TBCA: variants seen among roughly 807,000 people sequenced by gnomAD.
The protein encoded by TBCA is tubulin folding cofactor A.
Under a neutral mutation model 15.8 loss-of-function variants are expected in TBCA, and 6 were observed. The ratio of observed to expected loss-of-function variants is 0.38; its 90% CI spans 0.21 to 0.75. The LOEUF is 0.75. TBCA is among the 30% of genes least tolerant of loss of function. TBCA has a pLI of 0.46. For missense variants in TBCA, 90 were observed against 131.2 expected, an observed-to-expected ratio of 0.69 and a Z score of 1.53; for synonymous variants, 32 against 42.3, an observed-to-expected ratio of 0.76 and a Z score of 0.94.
intron 2 of TBCA, among the ~76,000 whole-genome samples, chr5:77,707,692 G>C (rs957842221): frequency 2.0e-5 from 3 of 152,130 alleles, no homozygotes; most frequent in Admixed American, 2.0e-4. Flanking sequence ...AGTGCAATGC[G>C]TATTTTATTT....
At chr5:77,760,566 G>C (rs1041509786) in intron 1 of TBCA, among the ~76,000 whole-genome samples, 1 of 152,148 alleles carries the variant, frequency 6.6e-6, no homozygotes, top group African/African-American at 2.4e-5. Context: ...AGGATTACAG[G>C]CACGCGCCAC....
At chr5:77,695,458 T>G (rs1024910680) in intron 2 of TBCA, among the ~76,000 whole-genome samples, 3 of 152,174 alleles carry the variant, frequency 2.0e-5, no homozygotes, top group African/African-American at 7.2e-5. Context: ...TTGAGATTGC[T>G]TCAAGAAGAT....
chr5:77,719,151 C>T (rs1262754901), intron 1 of TBCA, among the ~76,000 whole-genome samples: 1 of 152,164 alleles, frequency 6.6e-6, no homozygotes, highest in African/African-American at 2.4e-5. Flanking sequence ...CAACTATCGT[C>T]AGCCTCATTT....
At chr5:77,755,727 G>A (rs531969736) in intron 1 of TBCA, among the ~76,000 whole-genome samples, 7 of 150,870 alleles carry the variant, frequency 4.6e-5, no homozygotes, top group African/African-American at 9.7e-5. Context: ...AATAGGGGCC[G>A]GGTGCAGGGG....
Position 77,776,315 on chromosome 5 carries a change from A to C in TBCA, c.-58T>G. ...AGAGCCGGGGTAACCGTGGAGGGCG[A>C]CGCGCAGAGGCTGCGGCTATTTAGG... is the stretch of plus-strand genomic sequence containing the variant. On this transcript the variant is annotated 5_prime_UTR_variant, in exon 1 of 4. Coordinates refer to ENST00000380377, the MANE Select transcript of TBCA (RefSeq NM_004607.3). The C allele has an allele frequency of 3.2e-6, 5 of 1,547,046 alleles. No individual in the cohort carries two copies. The highest frequency in any genetic ancestry group is 4.4e-6 in the Non-Finnish European group (5 of 1,144,286).
In TBCA at chr5:77,776,232, A is replaced by C; in HGVS notation, c.26T>G (p.Ile9Ser). 6.3e-7 allele frequency: 1 copy of C among 1,578,010 alleles called. No individual in the cohort carries two copies. Among genetic ancestry groups the C allele is most frequent in the Non-Finnish European group, 8.6e-7 (1 of 1,162,960 alleles). The change falls in exon 1 of 4, where the codon ATC (isoleucine) becomes AGC (serine). Residue 9 changes from isoleucine to serine, a missense_variant. Coordinates refer to ENST00000380377, the MANE Select transcript of TBCA (RefSeq NM_004607.3). Reference protein sequence around the residue: MADPRVRQIKIKTGVVKRL... With the variant: MADPRVRQSKIKTGVVKRL... ...CTTCACCACGCCGGTCTTGATCTTG[A>C]TCTGTCTCACGCGAGGATCGGCCAT...
chr5:77,733,246 A>G (rs1016844596), intron 1 of TBCA, among the ~76,000 whole-genome samples: 1 of 152,178 alleles, frequency 6.6e-6, no homozygotes, highest in South Asian at 2.1e-4. Context: ...GGGCTATTGC[A>G]CTCCAGCCTG....
At position 77,746,818 on chromosome 5, in the gene TBCA, T is replaced by C. The variant is rs115801292; in HGVS notation, c.53+29387A>G. 8.0e-3 allele frequency among the ~76,000 whole-genome samples: 1,213 copies of C among 152,276 alleles called. 12 individuals carry two copies. Among genetic ancestry groups the C allele is most frequent in the Non-Finnish European group, 0.011 (742 of 68,010 alleles). On this transcript the variant is annotated intron_variant, in intron 1 of 3. Transcript: ENST00000380377. ...AAAGTCTAAATTTATCCAAATCGTA[T>C]ACATCATAACATTAATCAATCCAAC...
At chr5:77,755,026 T>A (rs1747440791) in intron 1 of TBCA, among the ~76,000 whole-genome samples, 1 of 152,060 alleles carries the variant, frequency 6.6e-6, no homozygotes, top group South Asian at 2.1e-4. Flanking sequence ...ACACACATAC[T>A]CATAAAAACA....
At chr5:77,762,513 C>T (rs566477654) in intron 1 of TBCA, among the ~76,000 whole-genome samples, 40 of 152,098 alleles carry the variant, frequency 2.6e-4, no homozygotes, top group Admixed American at 5.2e-4. Flanking sequence ...ATAAACCACA[C>T]GGTATTGGGT....
At chr5:77,732,316 G>A (rs1219514125) in intron 1 of TBCA, among the ~76,000 whole-genome samples, 1 of 152,048 alleles carries the variant, frequency 6.6e-6, no homozygotes, top group Non-Finnish European at 1.5e-5. Flanking sequence ...ACTGCACTTT[G>A]CTGATGTTGG....
At position 77,776,261 on chromosome 5, in the gene TBCA, C is replaced by A; in HGVS notation, c.-4G>T. 1.9e-6 allele frequency: 3 copies of A among 1,577,566 alleles called. No individual in the cohort carries two copies. Among genetic ancestry groups the A allele is most frequent in the Non-Finnish European group, 2.6e-6 (3 of 1,162,622 alleles). ...GTCTCACGCGAGGATCGGCCATGGT[C>A]CCTCGAGCGCCGCGAGAAGGAGGGG... is the stretch of plus-strand genomic sequence containing the variant. On this transcript the variant is annotated 5_prime_UTR_variant, in exon 1 of 4. Coordinates refer to ENST00000380377, the MANE Select transcript of TBCA (RefSeq NM_004607.3).
intron 1 of TBCA, among the ~76,000 whole-genome samples, chr5:77,740,199 T>G (rs1420743735): frequency 6.6e-6 from 1 of 152,230 alleles, no homozygotes; most frequent in Non-Finnish European, 1.5e-5. Context: ...GCAGCAAAGC[T>G]GAACAGGATA....
chr5:77,695,080 G>A (rs961943870), intron 2 of TBCA, among the ~76,000 whole-genome samples: 18 of 151,956 alleles, frequency 1.2e-4, no homozygotes, highest in Admixed American at 9.8e-4. Context: ...CTTCAGAATC[G>A]TTACAGGAAT....
chr5:77,750,922 T>C (rs1220712657), intron 1 of TBCA, among the ~76,000 whole-genome samples: 1 of 152,148 alleles, frequency 6.6e-6, no homozygotes, highest in Non-Finnish European at 1.5e-5. Context: ...AAACATATTC[T>C]GATTAGCAAT....
chr5:77,713,561 T>C (rs1278707128), intron 1 of TBCA, among the ~76,000 whole-genome samples: 2 of 152,178 alleles, frequency 1.3e-5, no homozygotes, highest in African/African-American at 2.4e-5. Context: ...TAGTGCATAA[T>C]GTGAAATTAA....
At chr5:77,720,880 G>A (rs1746515861) in intron 1 of TBCA, among the ~76,000 whole-genome samples, 1 of 152,118 alleles carries the variant, frequency 6.6e-6, no homozygotes. Context: ...ATCCAAAAGA[G>A]ATTTAAAGGT....
intron 1 of TBCA, among the ~76,000 whole-genome samples, chr5:77,709,002 A>C (rs1175358878): frequency 6.8e-6 from 1 of 146,746 alleles, no homozygotes; most frequent in Admixed American, 6.7e-5. Flanking sequence ...TTTTTTTTAA[A>C]TATGTCTTCC....
In TBCA at chr5:77,731,721, T is replaced by G. The variant is rs1400790629; in HGVS notation, c.54-23374A>C. On this transcript the variant is annotated intron_variant, in intron 1 of 3. Transcript: ENST00000380377. ...TCTTCCTTTTTCCCCATTTTTGCTATTTCCCTAGAAAAATTTTATTTTATA... is the reference window on the plus strand; with the variant it reads ...TCTTCCTTTTTCCCCATTTTTGCTAGTTCCCTAGAAAAATTTTATTTTATA... 2.6e-5 allele frequency among the ~76,000 whole-genome samples: 4 copies of G among 152,196 alleles called. No homozygotes were observed. The East Asian group carries it at 7.7e-4, about 29-fold the overall frequency.
Sources: allele counts gnomAD v4.1 joint callset (sites outside exome capture counted in the v4.1 genomes callset), GRCh38; gene constraint gnomAD v4.1.1; transcripts MANE v1.5; gene names NCBI Gene and HGNC (gene_info 2026-07-23, HGNC 2026-07-21).